Variants in PDSS2 observed in about 807,000 individuals in gnomAD.
PDSS2 encodes decaprenyl diphosphate synthase subunit 2, also known as all trans-polyprenyl-diphosphate synthase PDSS2.
A neutral mutation model predicts 44.5 loss-of-function variants in PDSS2; 31 were observed. The observed-to-expected ratio is 0.70, with a 90% CI of 0.52 to 0.94. PDSS2 has a LOEUF of 0.94. PDSS2 is among the 40% of genes least tolerant of loss of function. PDSS2 has a pLI of 0.00. For missense variants in PDSS2, 452 were observed against 482.2 expected, an observed-to-expected ratio of 0.94 and a Z score of 0.59; for synonymous variants, 157 against 180.3, an observed-to-expected ratio of 0.87 and a Z score of 1.03.
chr6:107,360,123 C>T (rs561169447), intron 1 of PDSS2, among the ~76,000 whole-genome samples: 1 of 152,246 alleles, frequency 6.6e-6, no homozygotes, highest in East Asian at 1.9e-4. Context: ...CCTCAAATTT[C>T]ACACTTTCCA....
chr6:107,433,409 TAAAA>T (rs1415627383), intron 1 of PDSS2, among the ~76,000 whole-genome samples: 2 of 152,094 alleles, frequency 1.3e-5, no homozygotes, highest in African/African-American at 4.8e-5. Context: ...GGTACTGGCA[TAAAA>T]ACAGACACAT....
intron 7 of PDSS2, among the ~76,000 whole-genome samples, chr6:107,168,548 C>G (rs9486546): frequency 0.7 from 104,731 of 150,022 alleles, 37,064 homozygotes; most frequent in African/African-American, 0.76. Flanking sequence ...TTGCTCGTTA[C>G]TGGATGCAGT....
intron 1 of PDSS2, among the ~76,000 whole-genome samples, chr6:107,356,776 A>G (rs185259829): frequency 3.3e-5 from 5 of 152,332 alleles, no homozygotes; most frequent in Admixed American, 3.3e-4. Flanking sequence ...GAGTTAAATA[A>G]TCTCAGAAAA....
At chr6:107,167,389 C>A (rs372007470) in intron 7 of PDSS2, among the ~76,000 whole-genome samples, 3 of 152,012 alleles carry the variant, frequency 2.0e-5, no homozygotes, top group African/African-American at 4.8e-5. Context: ...ATTAGTCTTG[C>A]TAGTGGTCTA....
intron 5 of PDSS2, 85 bp from the exon 6 acceptor site, chr6:107,210,655 G>A: frequency 1.1e-6 from 1 of 899,926 alleles, no homozygotes; most frequent in Non-Finnish European, 1.8e-6. Flanking sequence ...ACCAGTTAAT[G>A]CAGTGAAATA....
intron 2 of PDSS2, among the ~76,000 whole-genome samples, chr6:107,276,073 C>T (rs371193049): frequency 2.9e-5 from 4 of 136,526 alleles, no homozygotes; most frequent in East Asian, 4.6e-4. Context: ...GAACTGACTG[C>T]ACTATTGCAC....
chr6:107,332,486 T>A (rs938746220), intron 2 of PDSS2, among the ~76,000 whole-genome samples: 14 of 152,200 alleles, frequency 9.2e-5, no homozygotes, highest in African/African-American at 3.1e-4. Flanking sequence ...CAAAGAGTTT[T>A]CCATTTAAAA....
intron 4 of PDSS2, among the ~76,000 whole-genome samples, chr6:107,218,319 T>C (rs1259657635): frequency 2.6e-5 from 4 of 152,202 alleles, no homozygotes; most frequent in Non-Finnish European, 5.9e-5. Flanking sequence ...CCAAACACTC[T>C]AGGCATCACC....
At chr6:107,312,299 T>C (rs1259363457) in intron 2 of PDSS2, among the ~76,000 whole-genome samples, 2 of 152,186 alleles carry the variant, frequency 1.3e-5, no homozygotes, top group Non-Finnish European at 2.9e-5. Flanking sequence ...ATTTGTCCTT[T>C]AAGGACAATT....
intron 1 of PDSS2, among the ~76,000 whole-genome samples, chr6:107,350,152 TC>T (rs1417489623): frequency 1.6e-4 from 25 of 152,196 alleles, no homozygotes; most frequent in Admixed American, 5.9e-4. Context: ...CACCTCAATT[TC>T]AGTTTGTTCC....
chr6:107,430,693 C>G (rs1426862362), intron 1 of PDSS2, among the ~76,000 whole-genome samples: 1 of 151,622 alleles, frequency 6.6e-6, no homozygotes, highest in East Asian at 1.9e-4. Context: ...CCTGTAATCC[C>G]AGCTACTCAG....
chr6:107,315,088 T>C (rs570654679), intron 2 of PDSS2, among the ~76,000 whole-genome samples: 14 of 152,338 alleles, frequency 9.2e-5, no homozygotes, highest in African/African-American at 3.4e-4. Flanking sequence ...TTATATATAA[T>C]TTTTAAATAA....
At chr6:107,159,670 G>A (rs193221892) in intron 7 of PDSS2, among the ~76,000 whole-genome samples, 106 of 151,060 alleles carry the variant, frequency 7.0e-4, no homozygotes, top group African/African-American at 2.4e-3. Flanking sequence ...CACCCACCTC[G>A]GCCTCCCAAA....
chr6:107,206,653 A>G (rs975456465), intron 6 of PDSS2, among the ~76,000 whole-genome samples: 5 of 152,130 alleles, frequency 3.3e-5, no homozygotes, highest in African/African-American at 1.2e-4. Flanking sequence ...ACACATGAAC[A>G]CTAATGGTAG....
At chr6:107,243,985 AGGTGTGGT>A (rs1337941623) in intron 4 of PDSS2, among the ~76,000 whole-genome samples, 1 of 152,052 alleles carries the variant, frequency 6.6e-6, no homozygotes, top group Admixed American at 6.6e-5. Flanking sequence ...AAAATTAGCC[AGGTGTGGT>A]GGTGCATGCC....
chr6:107,291,854 A>AAAAAG (rs2115024582), intron 2 of PDSS2, among the ~76,000 whole-genome samples: 1 of 152,136 alleles, frequency 6.6e-6, no homozygotes, highest in South Asian at 2.1e-4. Flanking sequence ...TTTCTATTTA[A>AAAAAG]AAAAGAAAAG....
At chr6:107,259,696 GAA>G (rs1183421040) in intron 3 of PDSS2, among the ~76,000 whole-genome samples, 3 of 151,100 alleles carry the variant, frequency 2.0e-5, no homozygotes, top group African/African-American at 7.3e-5. Flanking sequence ...ATAGAAAAAA[GAA>G]AAAATGAAAG....
At chr6:107,294,576 T>C (rs967687296) in intron 2 of PDSS2, among the ~76,000 whole-genome samples, 5 of 152,044 alleles carry the variant, frequency 3.3e-5, no homozygotes, top group Admixed American at 2.0e-4. Flanking sequence ...CCATAGACAA[T>C]AGGTGCCATT....
intron 6 of PDSS2, among the ~76,000 whole-genome samples, chr6:107,203,595 C>A (rs79152172): frequency 1.3e-5 from 2 of 152,242 alleles, no homozygotes; most frequent in East Asian, 3.9e-4. Flanking sequence ...TTCATGACTT[C>A]TTCATCAAGT....
Sources: gnomAD v4.1 joint callset for allele counts (sites outside exome capture counted in the v4.1 genomes callset) on GRCh38, gnomAD v4.1.1 for gene constraint, MANE v1.5 for transcripts, NCBI Gene and HGNC (gene_info 2026-07-23, HGNC 2026-07-21) for gene names.